RNF20: variants seen among roughly 807,000 people sequenced by gnomAD.
The protein encoded by RNF20 is ring finger protein 20, also known as E3 ubiquitin-protein ligase BRE1A.
Under a neutral mutation model 126.2 loss-of-function variants are expected in RNF20, and 84 were observed. That is an observed-to-expected ratio of 0.67 (90% CI 0.56 to 0.80). The LOEUF is 0.80. Ranked by LOEUF, RNF20 falls within the 30% of genes least tolerant of loss-of-function variation. The pLI, the probability that RNF20 is intolerant of heterozygous loss-of-function variation, is 0.00. For missense variants in RNF20, 869 were observed against 1,188.2 expected (o/e 0.73, Z 3.95); for synonymous variants, 400 against 414.3 (o/e 0.97, Z 0.42).
Position 101,552,623 on chromosome 9 carries a change from G to C in RNF20, c.1771G>C (p.Glu591Gln). The stretch of plus-strand genomic sequence containing the variant: ...AGAACGGGAGAAGGAGAAGGAGAGA[G>C]AACGAGAGAAGCAGAAGCTAAAAGA... ...EREREKEKER[E>Q]REKQKLKESE... The change falls in exon 13 of 20, where the codon GAA becomes CAA. Residue 591 changes from glutamate (E) to glutamine (Q), a missense_variant. Coordinates refer to ENST00000389120, the MANE Select transcript of RNF20 (RefSeq NM_019592.7). The C allele has an allele frequency of 6.5e-7, 1 of 1,534,638 alleles. No individual in the cohort carries two copies. Among genetic ancestry groups the C allele is most frequent in the Non-Finnish European group, 9.0e-7 (1 of 1,107,646 alleles).
chr9:101,560,795 T>G lies in RNF20; in HGVS notation c.2383-6T>G. Reference sequence around the variant, plus strand: ...TTTGTGTTAAAATCTGATTTTCTGTTCAAAGGTTGATGCCCAGCTACAGGT... The same window carrying G: ...TTTGTGTTAAAATCTGATTTTCTGTGCAAAGGTTGATGCCCAGCTACAGGT... On this transcript the variant is annotated splice_polypyrimidine_tract_variant and splice_region_variant and intron_variant, in intron 16 of 19. Transcript: ENST00000389120. 6.2e-7 allele frequency: 1 copy of G among 1,600,364 alleles called. No homozygotes were observed. The highest frequency in any genetic ancestry group is 8.5e-7 in the Non-Finnish European group (1 of 1,176,170).
chr9:101,560,607 C>T (rs1161851727), intron 16 of RNF20, 194 bp from the exon 17 acceptor site: 2 of 420,058 alleles, frequency 4.8e-6, no homozygotes, highest in East Asian at 4.3e-5. Context: ...CTGAATCTTC[C>T]ACAATATTTT....
Position 101,562,309 on chromosome 9 carries a change from C to T in RNF20, c.2815C>T (p.His939Tyr). ...KKDAVLTKCF[H>Y]VFCFECVKTR... ...GGATGCTGTTCTTACTAAGTGTTTT[C>T]ATGTCTTCTGCTTTGAGTGTGTGAA... Residue 939 changes from histidine (H) to tyrosine (Y), a missense_variant, in exon 20 of 20, where the codon CAT (histidine) becomes TAT (tyrosine). Coordinates refer to ENST00000389120, the MANE Select transcript of RNF20 (RefSeq NM_019592.7). The T allele has an allele frequency of 6.2e-7, 1 of 1,614,060 alleles. No homozygotes were observed. The highest frequency in any genetic ancestry group is 8.5e-7 in the Non-Finnish European group (1 of 1,179,966).
In RNF20 at chr9:101,547,534, T is replaced by G; in HGVS notation, c.1092+16T>G. 6.2e-7 allele frequency: 1 copy of G among 1,613,480 alleles called. No individual in the cohort carries two copies. Among genetic ancestry groups the G allele is most frequent in the South Asian group, 1.1e-5 (1 of 91,038 alleles). On this transcript the variant is annotated intron_variant, in intron 9 of 19. Transcript: ENST00000389120. ...AAAGCTGAAGGTAGGAACGCATCCC[T>G]GAAGGGCAGTAAAATCAGACGTTCT...
At chr9:101,549,809 G>C (rs191374826) in intron 9 of RNF20, among the ~76,000 whole-genome samples, 1 of 152,088 alleles carries the variant, frequency 6.6e-6, no homozygotes, top group Non-Finnish European at 1.5e-5. Context: ...GTATGGCCTG[G>C]TTTTTCCTAG....
At position 101,557,567 on chromosome 9, in the gene RNF20, G is replaced by A. The variant is rs969359691; in HGVS notation, c.2353G>A (p.Ala785Thr). 3 of 1,613,864 alleles carry A rather than the reference G, an allele frequency of 1.9e-6. No individual in the cohort carries two copies. The highest frequency in any genetic ancestry group is 3.3e-5 in the Admixed American group (2 of 60,006). Reference sequence around the variant, plus strand: ...GCTTAAAGAAGAGAAGGAGGAGCTGGCAGACCAGGTGTTGACTCTGAAGAC... The same window carrying A: ...GCTTAAAGAAGAGAAGGAGGAGCTGACAGACCAGGTGTTGACTCTGAAGAC... Reference protein sequence around the residue: ...KLLKEEKEELADQVLTLKTQV... With the variant: ...KLLKEEKEELTDQVLTLKTQV... The change falls in exon 16 of 20, where the codon GCA (alanine) becomes ACA (threonine). Residue 785 changes from alanine to threonine, a missense_variant. Physicochemically the swap from Ala to Thr is moderately conservative, Grantham distance 58 (BLOSUM62 0). Transcript: ENST00000389120.
intron 2 of RNF20, among the ~76,000 whole-genome samples, chr9:101,538,147 T>G (rs1471971618): frequency 6.6e-6 from 1 of 152,076 alleles, no homozygotes; most frequent in Non-Finnish European, 1.5e-5. Context: ...TTGTGAAGAA[T>G]GAGGTGTTTG....
Position 101,552,654 on chromosome 9 carries a change from A to G in RNF20, c.1802A>G (p.Glu601Gly). ...GAGAAGCAGAAGCTAAAAGAGTCAG[A>G]AAAAGAGAGAGATTCTGCTAAGGAT... ...EREKQKLKES[E>G]KERDSAKDKE... Residue 601 changes from glutamate to glycine, a missense_variant, in exon 13 of 20, where the codon GAA becomes GGA. Physicochemically the swap from Glu to Gly is moderately conservative, Grantham distance 98 (BLOSUM62 -2). Around this residue, in one of 8 missense-constraint regions of RNF20, gnomAD observed 231 missense variants for 263.6 expected, o/e 0.88. Transcript: ENST00000389120. The G allele has an allele frequency of 3.3e-6, 5 of 1,525,260 alleles. No individual in the cohort carries two copies. Among genetic ancestry groups the G allele is most frequent in the Non-Finnish European group, 4.5e-6 (5 of 1,099,002 alleles). 94.5% of individuals were successfully genotyped at this position (1,525,260 alleles called of 1,614,324 possible). A position where few individuals can be genotyped will look rare whatever the true frequency, so the allele number is the denominator to read the frequency against.
At chr9:101,560,057 T>G (rs764331726) in intron 16 of RNF20, among the ~76,000 whole-genome samples, 17 of 152,222 alleles carry the variant, frequency 1.1e-4, no homozygotes, top group Non-Finnish European at 2.5e-4. Context: ...TGGCTTTTAT[T>G]ACCTTAAGGT....
At chr9:101,556,491 T>A (rs1827533024) in intron 15 of RNF20, among the ~76,000 whole-genome samples, 1 of 151,958 alleles carries the variant, frequency 6.6e-6, no homozygotes, top group Non-Finnish European at 1.5e-5. Flanking sequence ...AAAAATAATG[T>A]TAGAGAAAAG....
chr9:101,557,320 C>G, intron 15 of RNF20, 64 bp from the exon 16 acceptor site: 1 of 1,232,094 alleles, frequency 8.1e-7, no homozygotes, highest in Non-Finnish European at 1.2e-6. Context: ...AATTTAGTTT[C>G]CTGTGCTCTT....
Position 101,540,778 on chromosome 9 carries a change from C to T in RNF20, c.446-15C>T. On this transcript the variant is annotated splice_polypyrimidine_tract_variant and intron_variant, in intron 4 of 19. Coordinates refer to ENST00000389120, the MANE Select transcript of RNF20 (RefSeq NM_019592.7). ...TAATTTTGGGGGGCTTCTTTTTTTC[C>T]CCCTGTGTCCTCAGGGGAAGGGCAA... 1.9e-6 allele frequency: 3 copies of T among 1,596,234 alleles called. No homozygotes were observed. The highest frequency in any genetic ancestry group is 2.2e-5 in the East Asian group (1 of 44,764).
chr9:101,539,718 T>A (rs1453199318), intron 2 of RNF20, among the ~76,000 whole-genome samples: 4 of 152,058 alleles, frequency 2.6e-5, no homozygotes, highest in Admixed American at 1.3e-4. Flanking sequence ...GGAGATAATG[T>A]TTGGAGTGAA....
rs1409380561 is a variant in RNF20 at position 101,563,168 on chromosome 9, AG to A, written c.*747del. ...GGTTGAGTCAGGACTGAGCTGGTGA[AG>A]AAATCTTGTGGGTATTCTGGAAATT... On this transcript the variant is annotated 3_prime_UTR_variant, in exon 20 of 20. Transcript: ENST00000389120. 6.6e-6 allele frequency: 1 copy of A among 152,646 alleles called. No individual in the cohort carries two copies. The highest frequency in any genetic ancestry group is 2.4e-5 in the African/African-American group (1 of 41,454). 9.5% of individuals were successfully genotyped at this position (152,646 alleles called of 1,614,324 possible). A position where few individuals can be genotyped will look rare whatever the true frequency, so the allele number is the denominator to read the frequency against.
intron 2 of RNF20, among the ~76,000 whole-genome samples, chr9:101,539,919 G>A (rs1357879574): frequency 1.3e-4 from 19 of 151,918 alleles, no homozygotes; most frequent in Non-Finnish European, 1.5e-5. Flanking sequence ...GATCTAGCTG[G>A]ATGGTGGCCT....
chr9:101,554,822 G>A lies in RNF20; in HGVS notation c.2148G>A (p.Lys716=). 1 of 1,480,406 alleles carries A rather than the reference G, an allele frequency of 6.8e-7. No homozygotes were observed. The highest frequency in any genetic ancestry group is 1.4e-5 in the South Asian group (1 of 71,132). 91.7% of individuals were successfully genotyped at this position (1,480,406 alleles called of 1,614,324 possible). A position where few individuals can be genotyped will look rare whatever the true frequency, so the allele number is the denominator to read the frequency against. ...AGGAGCAGATAGAATACCTACAGAA[G>A]AAGCTAGCCATGGCCAAGCAGGTGG... ...AVEEQIEYLQ[K]KLAMAKQEEE... The change falls in exon 15 of 20, where the codon AAG becomes AAA. Residue 716 remains lysine, a synonymous_variant. Coordinates refer to ENST00000389120, the MANE Select transcript of RNF20 (RefSeq NM_019592.7).
chr9:101,539,127 CTG>C (rs1827223762), intron 2 of RNF20, among the ~76,000 whole-genome samples: 1 of 152,124 alleles, frequency 6.6e-6, no homozygotes, highest in African/African-American at 2.4e-5. Flanking sequence ...GTAAAGCCAT[CTG>C]TTTTGTATGA....
intron 2 of RNF20, among the ~76,000 whole-genome samples, chr9:101,537,221 A>G (rs186916621): frequency 3.3e-4 from 50 of 152,330 alleles, no homozygotes; most frequent in African/African-American, 1.1e-3. Flanking sequence ...CAGTAATCTT[A>G]ATGAGAAATC....
In RNF20 at chr9:101,535,305, G is replaced by A. The variant is rs936031218; in HGVS notation, c.-26-93G>A. ...TTAATGGATCCAGGTTAAAGGGTTG[G>A]CCAGAAAAGTTGCTAGTTTTTACTC... is the stretch of plus-strand genomic sequence containing the variant. On this transcript the variant is annotated intron_variant, in intron 1 of 19. Transcript: ENST00000389120. The A allele has an allele frequency of 1.1e-5, 10 of 870,970 alleles. No homozygotes were observed. The South Asian group carries it at 1.5e-4, about 13-fold the overall frequency. 54.0% of individuals were successfully genotyped at this position (870,970 alleles called of 1,614,324 possible).
Sources: allele counts gnomAD v4.1 joint callset (sites outside exome capture counted in the v4.1 genomes callset), GRCh38; gene constraint gnomAD v4.1.1; regional missense constraint gnomAD v4.1.1; transcripts MANE v1.5; gene names NCBI Gene and HGNC (gene_info 2026-07-23, HGNC 2026-07-21).